Variants in ZBTB20 observed in about 807,000 individuals in gnomAD.
ZBTB20 encodes the protein zinc finger and BTB domain-containing protein 20.
In ZBTB20, 9 loss-of-function variants were observed where a neutral mutation model predicts 56.9. That is an observed-to-expected ratio of 0.16 (90% confidence interval 0.10 to 0.28). The LOEUF is 0.28. ZBTB20 is among the 10% of genes least tolerant of loss of function. ZBTB20 has a pLI of 1.00. For missense variants in ZBTB20, 655 were observed against 1,003.0 expected, an observed-to-expected ratio of 0.65 and a Z score of 4.69; for synonymous variants, 417 against 420.7, an observed-to-expected ratio of 0.99 and a Z score of 0.11.
intron 7 of ZBTB20, among the ~76,000 whole-genome samples, chr3:114,472,344 C>G (rs1197237171): frequency 6.6e-6 from 1 of 152,120 alleles, no homozygotes; most frequent in Non-Finnish European, 1.5e-5. Flanking sequence ...TCCAGTCTAA[C>G]CTATCAAGTT....
chr3:114,568,404 C>T (rs904746393), intron 6 of ZBTB20, among the ~76,000 whole-genome samples: 2 of 152,188 alleles, frequency 1.3e-5, no homozygotes, highest in Admixed American at 6.5e-5. Context: ...GTCTGGTACA[C>T]TTGCATAAAA....
intron 6 of ZBTB20, among the ~76,000 whole-genome samples, chr3:114,528,472 G>T (rs192601927): frequency 6.6e-6 from 1 of 152,036 alleles, no homozygotes; most frequent in South Asian, 2.1e-4. Flanking sequence ...AGAAATATGG[G>T]CTATATTGAA....
chr3:115,123,933 G>A (rs190576509), intron 1 of ZBTB20, among the ~76,000 whole-genome samples: 10 of 152,146 alleles, frequency 6.6e-5, no homozygotes, highest in East Asian at 3.9e-4. Flanking sequence ...AGCACTACCC[G>A]AATAAACCCC....
At chr3:114,951,223 T>C (rs910863074) in intron 3 of ZBTB20, among the ~76,000 whole-genome samples, 1 of 152,120 alleles carries the variant, frequency 6.6e-6, no homozygotes. Flanking sequence ...ATTGCGACCA[T>C]AAGAATTTCC....
chr3:114,549,778 T>C (rs2050329830), intron 6 of ZBTB20, among the ~76,000 whole-genome samples: 1 of 151,072 alleles, frequency 6.6e-6, no homozygotes, highest in African/African-American at 2.4e-5. Context: ...TGACTGATGC[T>C]GTTAATAGAG....
intron 2 of ZBTB20, among the ~76,000 whole-genome samples, chr3:115,005,921 C>T (rs1333784049): frequency 6.6e-6 from 1 of 151,800 alleles, no homozygotes; most frequent in East Asian, 1.9e-4. Context: ...TTCTCTTTAA[C>T]TTCATTTCAA....
intron 5 of ZBTB20, among the ~76,000 whole-genome samples, chr3:114,729,284 T>C (rs1332268317): frequency 6.6e-6 from 1 of 152,162 alleles, no homozygotes; most frequent in African/African-American, 2.4e-5. Flanking sequence ...TAAGAGGCAA[T>C]ACATATGCAT....
chr3:114,346,179 T>C (rs2080171123), intron 11 of ZBTB20, among the ~76,000 whole-genome samples: 1 of 152,224 alleles, frequency 6.6e-6, no homozygotes, highest in Non-Finnish European at 1.5e-5. Context: ...TTATGAAGAA[T>C]ATTCAAGAGC....
intron 3 of ZBTB20, among the ~76,000 whole-genome samples, chr3:114,944,076 T>G (rs2076809419): frequency 6.9e-6 from 1 of 145,852 alleles, no homozygotes; most frequent in South Asian, 2.1e-4. Flanking sequence ...AACAAAGCCA[T>G]GATATCTTTA....
At chr3:114,911,088 T>C (rs1576302394) in intron 3 of ZBTB20, among the ~76,000 whole-genome samples, 1 of 148,918 alleles carries the variant, frequency 6.7e-6, no homozygotes, top group African/African-American at 2.5e-5. Flanking sequence ...CTCAGACATA[T>C]ACCCCCACAG....
At position 114,330,581 on chromosome 3, in the gene ZBTB20, T is replaced by C. The variant is rs1248031962; in HGVS notation, c.*8424A>G. 1 of 152,174 alleles carries C rather than the reference T, an allele frequency of 6.6e-6. No homozygotes were observed. Among genetic ancestry groups the C allele is most frequent in the Non-Finnish European group, 1.5e-5 (1 of 68,032 alleles). 9.4% of individuals were successfully genotyped at this position (152,174 alleles called of 1,614,324 possible). A position where few individuals can be genotyped will look rare whatever the true frequency, so the allele number is the denominator to read the frequency against. On this transcript the variant is annotated 3_prime_UTR_variant, in exon 12 of 12. Transcript: ENST00000675478. ...TTTTTCCAGTAAAAAGAAATACCTA[T>C]GGTTACAGTTACAGACTTCTTTTGG...
intron 7 of ZBTB20, among the ~76,000 whole-genome samples, chr3:114,453,220 T>C (rs976147984): frequency 6.6e-6 from 1 of 152,292 alleles, no homozygotes; most frequent in Admixed American, 6.5e-5. Context: ...CAAAGCTACG[T>C]GGCAATCAGA....
intron 1 of ZBTB20, among the ~76,000 whole-genome samples, chr3:115,138,152 T>C (rs1367602717): frequency 6.6e-6 from 1 of 152,074 alleles, no homozygotes; most frequent in Non-Finnish European, 1.5e-5. Flanking sequence ...ACCTGGTTCT[T>C]GGTTATTCAG....
At position 114,333,493 on chromosome 3, in the gene ZBTB20, C is replaced by T. The variant is rs747728938; in HGVS notation, c.*5512G>A. 1 of 152,206 alleles carries T rather than the reference C, an allele frequency of 6.6e-6. No individual in the cohort carries two copies. Among genetic ancestry groups the T allele is most frequent in the Non-Finnish European group, 1.5e-5 (1 of 68,070 alleles). 9.4% of individuals were successfully genotyped at this position (152,206 alleles called of 1,614,324 possible). On this transcript the variant is annotated 3_prime_UTR_variant, in exon 12 of 12. Transcript: ENST00000675478. ...TCCAGTGGGAAGTTATGTCTAGCCCCAGAAGGCCTGGTGGCTGGGTCAGCT... is the reference window on the plus strand; with the variant it reads ...TCCAGTGGGAAGTTATGTCTAGCCCTAGAAGGCCTGGTGGCTGGGTCAGCT...
At chr3:114,871,404 AG>A (rs1164915429) in intron 4 of ZBTB20, among the ~76,000 whole-genome samples, 1 of 152,096 alleles carries the variant, frequency 6.6e-6, no homozygotes, top group Non-Finnish European at 1.5e-5. Context: ...CTTTAGTTTT[AG>A]GGTCCTTTTT....
At chr3:114,970,211 C>T (rs1269965946) in intron 3 of ZBTB20, among the ~76,000 whole-genome samples, 1 of 152,084 alleles carries the variant, frequency 6.6e-6, no homozygotes, top group African/African-American at 2.4e-5. Context: ...CTAAGATTTT[C>T]CTTAATTCTG....
At chr3:114,354,450 A>G (rs1261882512) in intron 10 of ZBTB20, among the ~76,000 whole-genome samples, 1 of 152,176 alleles carries the variant, frequency 6.6e-6, no homozygotes, top group Non-Finnish European at 1.5e-5. Context: ...AAGTAGCCCT[A>G]TCACAATTAT....
chr3:114,723,388 G>A (rs1394567899), intron 5 of ZBTB20, among the ~76,000 whole-genome samples: 1 of 152,156 alleles, frequency 6.6e-6, no homozygotes, highest in East Asian at 1.9e-4. Flanking sequence ...CCAAGCGACA[G>A]CTTTTCAGAG....
rs148705710 is a variant in ZBTB20 at position 114,582,531 on chromosome 3, C to T, written c.-294-82140G>A. 2.6e-3 allele frequency among the ~76,000 whole-genome samples: 389 copies of T among 152,120 alleles called. 2 individuals are homozygous for T. Among genetic ancestry groups the T allele is most frequent in the African/African-American group, 8.8e-3 (367 of 41,504 alleles). Reference sequence around the variant, plus strand: ...TCCCGAGTAGCTTACAGGCACGTGCCATCATGCCTGGCTAATTTTTGTATT... The same window carrying T: ...TCCCGAGTAGCTTACAGGCACGTGCTATCATGCCTGGCTAATTTTTGTATT... On this transcript the variant is annotated intron_variant, in intron 6 of 11. Transcript: ENST00000675478.
Sources: gnomAD v4.1 joint callset for allele counts (sites outside exome capture counted in the v4.1 genomes callset) on GRCh38, gnomAD v4.1.1 for gene constraint, MANE v1.5 for transcripts, NCBI Gene and HGNC (gene_info 2026-07-23, HGNC 2026-07-21) for gene names.